The following SNX25 variants were observed in gnomAD, a reference collection of about 807,000 sequenced individuals.
SNX25 encodes the protein sorting nexin-25.
In SNX25, 62 loss-of-function variants were observed where a neutral mutation model predicts 113.7. The observed-to-expected ratio is 0.55, with a 90% CI of 0.44 to 0.67. The LOEUF is 0.67. Ranked by LOEUF, SNX25 falls within the 30% of genes least tolerant of loss-of-function variation. SNX25 has a pLI of 0.00. For missense variants in SNX25, 1,014 were observed against 1,161.0 expected, an observed-to-expected ratio of 0.87 and a Z score of 1.84; for synonymous variants, 421 against 436.2, an observed-to-expected ratio of 0.97 and a Z score of 0.43.
At chr4:185,272,048 T>C (rs1749004754) in intron 5 of SNX25, among the ~76,000 whole-genome samples, 1 of 152,266 alleles carries the variant, frequency 6.6e-6, no homozygotes, top group Non-Finnish European at 1.5e-5. Flanking sequence ...TCTTCTTTTC[T>C]GGATGCAGGA....
chr4:185,227,988 G>A (rs1046153236), intron 1 of SNX25, among the ~76,000 whole-genome samples: 2 of 152,154 alleles, frequency 1.3e-5, no homozygotes, highest in Non-Finnish European at 2.9e-5. Flanking sequence ...AGCTCAGAGA[G>A]TAAGAGGGAG....
chr4:185,376,837 A>T, the SNX25 span: 1 of 1,023,474 alleles, frequency 9.8e-7, no homozygotes, highest in South Asian at 1.4e-5. Context: ...AAGAAACTCT[A>T]CATGAAATTT....
At chr4:185,341,762 G>A (rs2095260986) in intron 11 of SNX25, among the ~76,000 whole-genome samples, 1 of 152,124 alleles carries the variant, frequency 6.6e-6, no homozygotes, top group African/African-American at 2.4e-5. Context: ...TTGCTTTTAG[G>A]TTAGGCCCAC....
At chr4:185,341,449 G>T (rs2095259480) in intron 11 of SNX25, among the ~76,000 whole-genome samples, 1 of 152,094 alleles carries the variant, frequency 6.6e-6, no homozygotes, top group Non-Finnish European at 1.5e-5. Context: ...GTTTTCTTTT[G>T]CTGTGTAACA....
intron 6 of SNX25, among the ~76,000 whole-genome samples, chr4:185,292,170 AGGTAGTT>A (rs1752259632): frequency 6.6e-6 from 1 of 152,184 alleles, no homozygotes; most frequent in Non-Finnish European, 1.5e-5. Flanking sequence ...GGAACTGTAT[AGGTAGTT>A]CCAGCCAGCA....
intron 1 of SNX25, among the ~76,000 whole-genome samples, chr4:185,216,829 T>G (rs1166035954): frequency 6.6e-6 from 1 of 151,972 alleles, no homozygotes; most frequent in Non-Finnish European, 1.5e-5. Flanking sequence ...CCGACAAAAG[T>G]GTGTATTTGA....
chr4:185,297,797 G>C (rs962958747), intron 6 of SNX25, among the ~76,000 whole-genome samples: 2 of 151,894 alleles, frequency 1.3e-5, no homozygotes, highest in Non-Finnish European at 2.9e-5. Context: ...CTCCATCATG[G>C]GGCTTCTACC....
At position 185,334,708 on chromosome 4, in the gene SNX25, A is replaced by G. The variant is rs1370290432; in HGVS notation, c.1914+1949A>G. On this transcript the variant is annotated intron_variant, in intron 10 of 18. Coordinates refer to ENST00000652585, the MANE Select transcript of SNX25 (RefSeq NM_001378034.2). This position sits in a 1 kb window ranked among gnomAD's most constrained non-coding sequence, Gnocchi z 4.2. ...TTTCTGCTTGGTTTGTTTGAAAGAC[A>G]TTATTCAGCCTTTCTTAAAATAACT... Among the ~76,000 whole-genome samples the G allele has an allele frequency of 6.6e-6, 1 of 152,264 alleles. No homozygotes were observed. The highest frequency in any genetic ancestry group is 1.5e-5 in the Non-Finnish European group (1 of 68,038).
At chr4:185,253,823 G>A (rs909898163) in intron 2 of SNX25, among the ~76,000 whole-genome samples, 1 of 152,162 alleles carries the variant, frequency 6.6e-6, no homozygotes, top group Non-Finnish European at 1.5e-5. Context: ...GGCTCTTAAT[G>A]CTTTTCTGAA....
chr4:185,367,187 C>A (rs1298314778), downstream of SNX25: 5 of 1,612,338 alleles, frequency 3.1e-6, no homozygotes, highest in Admixed American at 8.3e-5. Context: ...GGTCTAAATT[C>A]TTTGACGAAT....
Position 185,332,674 on chromosome 4 carries a change from A to G in SNX25, c.1829A>G (p.Asn610Ser). Residue 610 changes from asparagine (N) to serine (S), a missense_variant, in exon 10 of 19, where the codon AAC becomes AGC. Physicochemically the swap from Asn to Ser is conservative, Grantham distance 46. Transcript: ENST00000652585. ...QINEQASFAV[N>S]KLRELNEKLE... is the part of the protein sequence containing the mutation. ...AATGAACAAGCCAGTTTTGCTGTAA[A>G]CAAACTGCGAGAACTAAATGAGAAA... The G allele has an allele frequency of 6.2e-7, 1 of 1,614,170 alleles. No individual in the cohort carries two copies.
intron 6 of SNX25, among the ~76,000 whole-genome samples, chr4:185,288,778 C>T (rs1451535621): frequency 6.6e-6 from 1 of 152,188 alleles, no homozygotes. Context: ...TTCCCCTTTG[C>T]ATGTACAAAG....
At chr4:185,261,114 CTGTGTGTGTGTGTGTGTGTGTGTGTG>C (rs369434936) in intron 3 of SNX25, among the ~76,000 whole-genome samples, 1 of 141,658 alleles carries the variant, frequency 7.1e-6, no homozygotes, top group East Asian at 2.1e-4. Flanking sequence ...CTGTCTGTCT[CTGTGTGTGTGTGTGTGTGTGTGTGTG>C]TGTGTGTGTG....
chr4:185,257,269 T>G (rs1226841506), intron 2 of SNX25, among the ~76,000 whole-genome samples: 2 of 151,646 alleles, frequency 1.3e-5, no homozygotes, highest in Admixed American at 6.6e-5. Flanking sequence ...TAGCTAAATG[T>G]TTTTCTCCCT....
downstream of SNX25, among the ~76,000 whole-genome samples, chr4:185,368,794 T>C (rs981355961): frequency 2.8e-5 from 4 of 142,274 alleles, no homozygotes; most frequent in African/African-American, 1.2e-4. Flanking sequence ...GAATCTGTTT[T>C]GTTTTTTTTT....
intron 7 of SNX25, 32 bp downstream of exon 7, chr4:185,310,848 A>G (rs757511274): frequency 3.2e-6 from 5 of 1,552,816 alleles, no homozygotes; most frequent in East Asian, 2.3e-5. Flanking sequence ...TTTTGACCCT[A>G]CCAAGTTTAT....
chr4:185,287,621 G>A (rs1751520314), intron 5 of SNX25, among the ~76,000 whole-genome samples: 2 of 152,164 alleles, frequency 1.3e-5, no homozygotes, highest in Non-Finnish European at 2.9e-5. Context: ...TAATTTAATT[G>A]GATAGCCACA....
chr4:185,239,408 A>C (rs374004982), intron 1 of SNX25, among the ~76,000 whole-genome samples: 25 of 152,158 alleles, frequency 1.6e-4, no homozygotes, highest in Non-Finnish European at 3.1e-4. Context: ...GCTTGAACCC[A>C]GGACGCGGAG....
intron 1 of SNX25, among the ~76,000 whole-genome samples, chr4:185,240,721 C>G (rs1340395641): frequency 1.3e-5 from 2 of 151,526 alleles, no homozygotes; most frequent in South Asian, 4.2e-4. Context: ...CCCTCCCAGA[C>G]GGGGTGGCTG....
Sources: allele counts gnomAD v4.1 joint callset (sites outside exome capture counted in the v4.1 genomes callset), GRCh38; gene constraint gnomAD v4.1.1; non-coding constraint Gnocchi (gnomAD v3.1); transcripts MANE v1.5; gene names NCBI Gene and HGNC (gene_info 2026-07-23, HGNC 2026-07-21).